Variants in CRHR2 observed in about 807,000 individuals in gnomAD.
The protein encoded by CRHR2 is corticotropin-releasing hormone receptor 2.
Under a neutral mutation model 57.9 loss-of-function variants are expected in CRHR2, and 53 were observed. The ratio of observed to expected loss-of-function variants is 0.92; its 90% CI spans 0.73 to 1.15. The LOEUF is 1.15. Among genes scored for constraint, CRHR2 ranks in the 50% most tolerant of loss-of-function variants. The pLI is 0.00. For missense variants in CRHR2, 532 were observed against 542.6 expected (o/e 0.98, Z 0.19); for synonymous variants, 213 against 220.9 (o/e 0.96, Z 0.32).
rs1238371497 is a variant in CRHR2 at position 30,682,434 on chromosome 7, C to A, written c.-154G>T. The A allele has an allele frequency of 7.4e-7, 1 of 1,356,680 alleles. No individual in the cohort carries two copies. Among genetic ancestry groups the A allele is most frequent in the Non-Finnish European group, 9.4e-7 (1 of 1,061,636 alleles). 84.0% of individuals were successfully genotyped at this position (1,356,680 alleles called of 1,614,324 possible). ...CCCGGGCAGCCTTTGGGCGCCACCT[C>A]CGGTCGCCCAGAGCTGTCAAGTGGG... On this transcript the variant is annotated 5_prime_UTR_variant, in exon 1 of 12. Transcript: ENST00000471646.
upstream of CRHR2, chr7:30,686,472 T>C (rs1410844526): frequency 2.6e-6 from 4 of 1,524,378 alleles, no homozygotes; most frequent in East Asian, 2.5e-5. Context: ...GGCATATGTG[T>C]GTGTGTTGCA....
intron 6 of CRHR2, 113 bp downstream of exon 6, chr7:30,662,581 C>T (rs377105164): frequency 5.7e-5 from 75 of 1,325,088 alleles, no homozygotes; most frequent in East Asian, 3.8e-4. Context: ...CACCGGACTG[C>T]GCTGGGGGTG....
chr7:30,684,052 G>A (rs1784806722), upstream of CRHR2, among the ~76,000 whole-genome samples: 1 of 152,216 alleles, frequency 6.6e-6, no homozygotes, highest in Non-Finnish European at 1.5e-5. Flanking sequence ...TGACTGGCAG[G>A]AACAAGATGC....
chr7:30,697,002 G>A (rs1420432887), intron 1 of CRHR2, among the ~76,000 whole-genome samples: 1 of 152,196 alleles, frequency 6.6e-6, no homozygotes, highest in Non-Finnish European at 1.5e-5. Context: ...ATTAGCTAGT[G>A]AGGCTAGAAA....
chr7:30,654,763 C>T (rs915894107), intron 11 of CRHR2: 1 of 1,536,496 alleles, frequency 6.5e-7, no homozygotes, highest in Non-Finnish European at 8.7e-7. Context: ...TCTGGCTTCT[C>T]TCTTCCATGA....
intron 2 of CRHR2, among the ~76,000 whole-genome samples, chr7:30,676,937 C>G (rs774425993): frequency 6.6e-6 from 1 of 152,234 alleles, no homozygotes; most frequent in Admixed American, 6.5e-5. Context: ...ACAGATGACC[C>G]CAGCCATTCC....
At chr7:30,663,691 C>T (rs1333107604) in intron 5 of CRHR2, among the ~76,000 whole-genome samples, 1 of 152,208 alleles carries the variant, frequency 6.6e-6, no homozygotes, top group Admixed American at 6.5e-5. Context: ...ACGCAGTGGG[C>T]CATGGCAGGG....
intron 2 of CRHR2, among the ~76,000 whole-genome samples, chr7:30,675,769 A>T (rs1020448320): frequency 6.6e-6 from 1 of 152,094 alleles, no homozygotes; most frequent in Non-Finnish European, 1.5e-5. Context: ...TTTACTTGGG[A>T]GCCTATATCA....
intron 5 of CRHR2, among the ~76,000 whole-genome samples, chr7:30,663,262 A>C (rs561881009): frequency 9.2e-5 from 14 of 152,310 alleles, no homozygotes; most frequent in African/African-American, 3.1e-4. Flanking sequence ...ATGGAATTTC[A>C]TTTAGAAAAA....
intron 1 of CRHR2, among the ~76,000 whole-genome samples, chr7:30,691,909 T>C (rs534679192): frequency 6.6e-6 from 1 of 152,214 alleles, no homozygotes; most frequent in South Asian, 2.1e-4. Flanking sequence ...AGAAAACACA[T>C]GGTCCAGGAA....
At chr7:30,693,964 G>A (rs1262024867) in intron 1 of CRHR2, among the ~76,000 whole-genome samples, 2 of 152,180 alleles carry the variant, frequency 1.3e-5, no homozygotes, top group African/African-American at 4.8e-5. Flanking sequence ...GCTCTTGGCT[G>A]TTCTAGGGCA....
At position 30,691,944 on chromosome 7, in the gene CRHR2, T is replaced by G. The variant is rs1213551483; in HGVS notation, c.-260-2660A>C. ...AAGTCAGGGACAGACATATCTTGGA[T>G]AATCCCATTCCAAGGACTTGAGAAG... On this transcript the variant is annotated intron_variant, in intron 1 of 13. Coordinates refer to the CRHR2 transcript ENST00000341843. Among the ~76,000 whole-genome samples the G allele has an allele frequency of 7.2e-5, 11 of 152,144 alleles. No homozygotes were observed. In the East Asian group the frequency reaches 2.1e-3, roughly 29 times the overall value.
chr7:30,682,898 G>C (rs1349090560), upstream of CRHR2, among the ~76,000 whole-genome samples: 1 of 152,240 alleles, frequency 6.6e-6, no homozygotes, highest in Non-Finnish European at 1.5e-5. Flanking sequence ...GGGCAGATCT[G>C]CATCCTCCAA....
Position 30,653,394 on chromosome 7 carries a change from C to T in CRHR2, c.*66G>A. 1 of 1,581,240 alleles carries T rather than the reference C, an allele frequency of 6.3e-7. No individual in the cohort carries two copies. Among genetic ancestry groups the T allele is most frequent in the Non-Finnish European group, 8.6e-7 (1 of 1,163,512 alleles). On this transcript the variant is annotated 3_prime_UTR_variant, in exon 12 of 12. Coordinates refer to ENST00000471646, the MANE Select transcript of CRHR2 (RefSeq NM_001883.5). This position sits in a 1 kb window ranked among gnomAD's most constrained non-coding sequence, Gnocchi z 5.0. ...TCCTGCCCCACGAGAGCCTGCCCAG[C>T]ACAGAGAACCCAGAGGAAGAAGGTG...
chr7:30,700,083 G>T (rs1410564320), exon 1 of CRHR2: 2 of 1,261,832 alleles, frequency 1.6e-6, no homozygotes, highest in Non-Finnish European at 2.1e-6. Context: ...CCAGCACGGT[G>T]GTCACACCCT....
Position 30,682,214 on chromosome 7 carries a change from G to C in CRHR2, c.67C>G (p.Leu23Val). Residue 23 changes from leucine to valine, a missense_variant, in exon 1 of 12, where the codon CTC (leucine) becomes GTC (valine). Transcript: ENST00000471646. Reference protein sequence around the residue: ...NCSLALAEELLLDGWGPPLDP... With the variant: ...NCSLALAEELVLDGWGPPLDP... ...AGGGGTGGCCCCCAGCCGTCCAAGA[G>C]CAGCTCTTCAGCCAGCGCCAGGCTG... The C allele has an allele frequency of 6.3e-7, 1 of 1,590,292 alleles. No individual in the cohort carries two copies. The highest frequency in any genetic ancestry group is 8.5e-7 in the Non-Finnish European group (1 of 1,175,960).
At chr7:30,691,086 T>C (rs1220416326) in intron 1 of CRHR2, among the ~76,000 whole-genome samples, 1 of 144,974 alleles carries the variant, frequency 6.9e-6, no homozygotes, top group Non-Finnish European at 1.5e-5. Context: ...TGCCAGGGGT[T>C]GGGGGGCTGG....
At chr7:30,688,254 C>T (rs11977929) in intron 2 of CRHR2, among the ~76,000 whole-genome samples, 3,290 of 152,250 alleles carry the variant, frequency 0.022, 128 homozygotes, top group African/African-American at 0.076. Context: ...TCAGGAGGAA[C>T]CAACCCTGCC....
intron 1 of CRHR2, among the ~76,000 whole-genome samples, chr7:30,695,215 T>A (rs255110): frequency 6.6e-5 from 10 of 151,782 alleles, no homozygotes; most frequent in African/African-American, 2.4e-4. Flanking sequence ...TGTTTTCTGG[T>A]GTGTTCAGGC....
Sources: gnomAD v4.1 joint callset for allele counts (sites outside exome capture counted in the v4.1 genomes callset) on GRCh38, gnomAD v4.1.1 for gene constraint, Gnocchi (gnomAD v3.1) non-coding constraint, MANE v1.5 for transcripts, NCBI Gene and HGNC (gene_info 2026-07-23, HGNC 2026-07-21) for gene names.